The following DCX variants were observed in gnomAD, a reference collection of about 807,000 sequenced individuals.
The protein encoded by DCX is doublecortin, also known as neuronal migration protein doublecortin.
DCX carries 4 observed loss-of-function variants against 20.9 expected under a neutral mutation model. The observed-to-expected ratio is 0.19, with a 90% CI of 0.09 to 0.44. The LOEUF (loss-of-function observed/expected upper bound fraction) is 0.44, where lower values mean the gene tolerates loss of function less well. Among genes scored for constraint, DCX ranks in the 20% least tolerant of loss-of-function variants. DCX has a pLI of 0.99. For synonymous variants in DCX, 103 were observed against 111.4 expected, an observed-to-expected ratio of 0.92 and a Z score of 0.47; for missense variants, 133 against 296.9, an observed-to-expected ratio of 0.45 and a Z score of 4.06.
chrX:111,372,489 C>T (rs967390968), intron 3 of DCX, among the ~76,000 whole-genome samples: 6 of 111,618 alleles, frequency 5.4e-5, no homozygotes, highest in African/African-American at 2.0e-4. Flanking sequence ...TTATCCACAC[C>T]CCATTCGAGG....
chrX:111,391,157 A>G (rs1311520252), intron 3 of DCX, among the ~76,000 whole-genome samples: 3 of 110,967 alleles, frequency 2.7e-5, no homozygotes, highest in African/African-American at 9.9e-5. Context: ...TGATTGAATC[A>G]TGGGGACAGA....
At chrX:111,388,849 A>G (rs1289221574) in intron 3 of DCX, among the ~76,000 whole-genome samples, 2 of 112,351 alleles carry the variant, frequency 1.8e-5, no homozygotes, top group Non-Finnish European at 1.9e-5. Flanking sequence ...AAGTGATAAG[A>G]TAAGACAAGA....
At chrX:111,316,025 C>T (rs1191917247) in intron 5 of DCX, among the ~76,000 whole-genome samples, 1 of 56,475 alleles carries the variant, frequency 1.8e-5, no homozygotes, top group African/African-American at 8.5e-5. Context: ...CACATGTATA[C>T]ATATGTAACT....
chrX:111,327,031 A>G (rs1318500699), intron 5 of DCX, among the ~76,000 whole-genome samples: 1 of 111,989 alleles, frequency 8.9e-6, no homozygotes, highest in Non-Finnish European at 1.9e-5. Flanking sequence ...CCAATGAAGT[A>G]GAACATCAAA....
intron 3 of DCX, among the ~76,000 whole-genome samples, chrX:111,385,718 CAAGGAAGGAAGG>C (rs200945198): frequency 1.2e-5 from 1 of 82,016 alleles, no homozygotes; most frequent in African/African-American, 4.5e-5. Flanking sequence ...AGCAAGAAAG[CAAGGAAGGAAGG>C]AAGGAAGGAA....
At chrX:111,308,517 C>T (rs1357452869) in intron 6 of DCX, among the ~76,000 whole-genome samples, 1 of 110,850 alleles carries the variant, frequency 9.0e-6, no homozygotes, top group Non-Finnish European at 1.9e-5. Flanking sequence ...CCGTCTTTCC[C>T]ACCCTCCTTT....
chrX:111,396,497 A>G (rs960126700), intron 3 of DCX, among the ~76,000 whole-genome samples: 1 of 111,937 alleles, frequency 8.9e-6, no homozygotes, highest in Non-Finnish European at 1.9e-5. Flanking sequence ...GACCAGCTGC[A>G]CCACTGTGTA....
chrX:111,405,746 C>T (rs1490461809), intron 2 of DCX, among the ~76,000 whole-genome samples: 2 of 110,713 alleles, frequency 1.8e-5, no homozygotes, highest in African/African-American at 3.3e-5. Context: ...GAAAACCCAC[C>T]AGTGGATTTT....
At chrX:111,356,899 T>C (rs1923776178) in intron 3 of DCX, among the ~76,000 whole-genome samples, 1 of 111,657 alleles carries the variant, frequency 9.0e-6, no homozygotes, top group Admixed American at 9.5e-5. Context: ...AAATGGGCAA[T>C]ATAGCGAGAT....
At chrX:111,387,758 G>A (rs1926633913) in intron 3 of DCX, among the ~76,000 whole-genome samples, 1 of 111,396 alleles carries the variant, frequency 9.0e-6, no homozygotes. Context: ...AAAGAAACAG[G>A]GGCACAAGTG....
At chrX:111,376,515 G>A (rs2147719561) in intron 3 of DCX, among the ~76,000 whole-genome samples, 1 of 112,079 alleles carries the variant, frequency 8.9e-6, no homozygotes, top group African/African-American at 3.2e-5. Flanking sequence ...CAAATAACTA[G>A]CTGACCACTG....
chrX:111,348,203 G>A (rs781602759), intron 3 of DCX, among the ~76,000 whole-genome samples: 6 of 112,175 alleles, frequency 5.3e-5, no homozygotes, highest in Admixed American at 1.9e-4. Flanking sequence ...AAGGTATACT[G>A]CAAAGGCATT....
chrX:111,380,025 A>G (rs757676425), intron 3 of DCX, among the ~76,000 whole-genome samples: 2 of 111,192 alleles, frequency 1.8e-5, no homozygotes, highest in East Asian at 5.7e-4. Flanking sequence ...TTAAAATTGG[A>G]CTATTATCTT....
intron 5 of DCX, among the ~76,000 whole-genome samples, chrX:111,316,100 A>T (rs1335167784): frequency 4.7e-5 from 5 of 106,944 alleles, no homozygotes; most frequent in Non-Finnish European, 3.9e-5. Flanking sequence ...AAAAAAAAAA[A>T]AAAAAAAAAA....
intron 4 of DCX, among the ~76,000 whole-genome samples, chrX:111,332,756 T>C (rs181176128): frequency 8.9e-6 from 1 of 112,174 alleles, no homozygotes. Context: ...TCCTGTGGTC[T>C]GATTGTGCCT....
intron 3 of DCX, among the ~76,000 whole-genome samples, chrX:111,333,530 G>T (rs139690025): frequency 8.9e-6 from 1 of 111,842 alleles, no homozygotes; most frequent in Non-Finnish European, 1.9e-5. Flanking sequence ...AAGGGACTGG[G>T]CCAAGGAAGA....
At chrX:111,333,302 T>C in intron 3 of DCX, 149 bp from the exon 4 acceptor site, 1 of 505,674 alleles carries the variant, frequency 2.0e-6, no homozygotes, top group Non-Finnish European at 3.6e-6. Context: ...ACCACATTCA[T>C]AGTCTGAATC....
At chrX:111,409,417 T>C (rs1329508396) in intron 2 of DCX, among the ~76,000 whole-genome samples, 1 of 111,587 alleles carries the variant, frequency 9.0e-6, no homozygotes, top group Admixed American at 9.5e-5. Context: ...CTAATAGGAA[T>C]GGTCTTTATT....
intron 3 of DCX, among the ~76,000 whole-genome samples, chrX:111,372,238 C>A (rs1249512605): frequency 8.9e-6 from 1 of 111,921 alleles, no homozygotes; most frequent in Non-Finnish European, 1.9e-5. Context: ...CTGGGGGAAG[C>A]GCTTTTTTTT....
Sources: allele counts gnomAD v4.1 joint callset (sites outside exome capture counted in the v4.1 genomes callset), GRCh38; gene constraint gnomAD v4.1.1; transcripts MANE v1.5; gene names NCBI Gene and HGNC (gene_info 2026-07-23, HGNC 2026-07-21).